Variants in TSNARE1 observed in about 807,000 individuals in gnomAD.
TSNARE1 encodes t-SNARE domain-containing protein 1.
TSNARE1 carries 49 observed loss-of-function variants against 62.0 expected under a neutral mutation model. The observed-to-expected ratio is 0.79, with a 90% CI of 0.63 to 1.00. TSNARE1 has a LOEUF of 1.00. TSNARE1 is among the 50% of genes least tolerant of loss of function. TSNARE1 has a pLI of 0.00. For missense variants in TSNARE1, 755 were observed against 700.1 expected, an observed-to-expected ratio of 1.08 and a Z score of -0.88; for synonymous variants, 328 against 294.4, an observed-to-expected ratio of 1.11 and a Z score of -1.17.
intron 6 of TSNARE1, 127 bp downstream of exon 6, chr8:142,330,774 G>T: frequency 3.3e-6 from 3 of 896,916 alleles, no homozygotes; most frequent in Non-Finnish European, 5.3e-6. Context: ...GCACATGTGT[G>T]TCCAGGCAGC....
chr8:142,322,303 C>T (rs1829581001), intron 6 of TSNARE1, among the ~76,000 whole-genome samples: 2 of 152,154 alleles, frequency 1.3e-5, no homozygotes, highest in Non-Finnish European at 2.9e-5. Context: ...AAATAAAAAA[C>T]AAAACAAACA....
intron 6 of TSNARE1, among the ~76,000 whole-genome samples, chr8:142,325,680 AG>A (rs1187578588): frequency 1.3e-5 from 2 of 152,162 alleles, no homozygotes; most frequent in African/African-American, 4.8e-5. Context: ...GCAGGGCTGG[AG>A]GGACACCTGG....
chr8:142,310,214 C>A (rs1827342806), intron 9 of TSNARE1, among the ~76,000 whole-genome samples: 1 of 152,152 alleles, frequency 6.6e-6, no homozygotes, highest in African/African-American at 2.4e-5. Flanking sequence ...TAATTTCTGC[C>A]TTAGTAATTG....
chr8:142,243,099 G>A (rs1817739225), intron 12 of TSNARE1, among the ~76,000 whole-genome samples: 2 of 152,038 alleles, frequency 1.3e-5, no homozygotes, highest in Non-Finnish European at 2.9e-5. Flanking sequence ...ATACATATAA[G>A]ATCAATGTTG....
chr8:142,271,302 G>C (rs968568552), intron 12 of TSNARE1: 8 of 1,097,254 alleles, frequency 7.3e-6, no homozygotes, highest in Non-Finnish European at 7.8e-6. Context: ...TCGGCCAGAC[G>C]CTGGCTCTGC....
At chr8:142,256,070 C>T (rs1370114051) in intron 12 of TSNARE1, among the ~76,000 whole-genome samples, 1 of 66,968 alleles carries the variant, frequency 1.5e-5, no homozygotes, top group South Asian at 6.5e-4. Flanking sequence ...ACCACCATCA[C>T]CATCACCACC....
rs78588490 is a variant in TSNARE1, at chr8:142,332,241, T to C, written c.746-410A>G. On this transcript the variant is annotated intron_variant, in intron 4 of 13. Transcript: ENST00000524325. ...CCAGCTCTGCACCGGCAGCTCAGCA[T>C]TGGAAACAGAAACACTGGTTTCCGC... Among the ~76,000 whole-genome samples, 844 of 152,322 alleles carry C rather than the reference T, an allele frequency of 5.5e-3. 7 individuals carry two copies. The highest frequency in any genetic ancestry group is 0.02 in the African/African-American group (811 of 41,566).
At chr8:142,374,120 A>G (rs1165676844) in intron 1 of TSNARE1, among the ~76,000 whole-genome samples, 1 of 152,142 alleles carries the variant, frequency 6.6e-6, no homozygotes, top group Non-Finnish European at 1.5e-5. Flanking sequence ...CCTGGGCAAC[A>G]TGGTGAAACC....
At position 142,279,407 on chromosome 8, in the gene TSNARE1, G is replaced by A. The variant is rs752970540; in HGVS notation, c.1364-4544C>T. ...TGGGCTGCACCCGCTGCTGCTGCACGTCGGGGAGCTCAGGCCTTGTCTCTG... is the reference window on the plus strand; with the variant it reads ...TGGGCTGCACCCGCTGCTGCTGCACATCGGGGAGCTCAGGCCTTGTCTCTG... On this transcript the variant is annotated intron_variant, in intron 11 of 13. Transcript: ENST00000524325. 7.2e-5 allele frequency among the ~76,000 whole-genome samples: 11 copies of A among 152,204 alleles called. No homozygotes were observed. The East Asian group carries it at 7.7e-4, about 11-fold the overall frequency.
chr8:142,290,331 C>T (rs542788506), intron 10 of TSNARE1, among the ~76,000 whole-genome samples: 2 of 152,270 alleles, frequency 1.3e-5, no homozygotes, highest in South Asian at 2.1e-4. Context: ...AGCCAGAGGG[C>T]GGGAGAGCGG....
intron 12 of TSNARE1, among the ~76,000 whole-genome samples, chr8:142,242,621 A>G (rs192032270): frequency 1.5e-4 from 23 of 152,362 alleles, no homozygotes; most frequent in Non-Finnish European, 2.4e-4. Flanking sequence ...GATGATTTTT[A>G]AAATGGGCAG....
At chr8:142,367,588 G>A (rs1358346401) in intron 1 of TSNARE1, among the ~76,000 whole-genome samples, 2 of 152,208 alleles carry the variant, frequency 1.3e-5, no homozygotes, top group East Asian at 3.8e-4. Flanking sequence ...GGGTGATGGA[G>A]ATATTCTGGC....
chr8:142,342,644 C>A (rs1832735674), intron 4 of TSNARE1, among the ~76,000 whole-genome samples: 1 of 152,220 alleles, frequency 6.6e-6, no homozygotes, highest in African/African-American at 2.4e-5. Context: ...AGTCAAGAGG[C>A]CTGAGTGCAC....
intron 12 of TSNARE1, chr8:142,269,664 T>C (rs1586910038): frequency 1.0e-6 from 1 of 985,292 alleles, no homozygotes; most frequent in East Asian, 1.1e-4. Flanking sequence ...GAACCCAGAA[T>C]GAAGATCTAC....
chr8:142,314,885 C>T lies in TSNARE1; in HGVS notation c.1074+118G>A. 5.2e-6 allele frequency: 5 copies of T among 952,846 alleles called. No homozygotes were observed. The South Asian group carries it at 7.1e-5, about 14-fold the overall frequency. The allele number at this position is 952,846 out of a possible 1,614,324, so 59.0% of individuals were successfully genotyped here. On this transcript the variant is annotated intron_variant, in intron 8 of 13. Coordinates refer to ENST00000524325, the MANE Select transcript of TSNARE1 (RefSeq NM_145003.5). The stretch of plus-strand genomic sequence containing the variant: ...TCTGCAAGAACAACCCTCTTCTCTG[C>T]CTTTGGGGATGGGGCTGCACCAGGC...
chr8:142,309,806 A>G (rs13439197), intron 9 of TSNARE1, among the ~76,000 whole-genome samples: 34,916 of 152,080 alleles, frequency 0.23, 4,617 homozygotes, highest in African/African-American at 0.36. Flanking sequence ...CTGTAACAGC[A>G]TGTGTAAACT....
chr8:142,300,406 A>G (rs1586658940), intron 10 of TSNARE1, 80 bp downstream of exon 10: 1 of 1,486,594 alleles, frequency 6.7e-7, no homozygotes, highest in East Asian at 2.3e-5. Context: ...ATGGTGCAGC[A>G]GGCTGGCACC....
chr8:142,376,229 CAGTG>C (rs1395679177), intron 1 of TSNARE1, among the ~76,000 whole-genome samples: 1 of 152,186 alleles, frequency 6.6e-6, no homozygotes, highest in Non-Finnish European at 1.5e-5. Context: ...GTGTCTCACG[CAGTG>C]AGACTCCACA....
intron 12 of TSNARE1, among the ~76,000 whole-genome samples, chr8:142,257,182 G>A (rs892449234): frequency 5.9e-5 from 9 of 152,152 alleles, no homozygotes; most frequent in Non-Finnish European, 1.0e-4. Context: ...TGCCCACTTC[G>A]GGGGTGACCT....
Sources: gnomAD v4.1 joint callset for allele counts (sites outside exome capture counted in the v4.1 genomes callset) on GRCh38, gnomAD v4.1.1 for gene constraint, MANE v1.5 for transcripts, NCBI Gene and HGNC (gene_info 2026-07-23, HGNC 2026-07-21) for gene names.